The following CRYBG1 variants were observed in gnomAD, a reference collection of about 807,000 sequenced individuals.
CRYBG1 encodes the protein crystallin beta-gamma domain containing 1.
In CRYBG1, 139 loss-of-function variants were observed where a neutral mutation model predicts 189.2. The observed-to-expected ratio is 0.73, with a 90% CI of 0.64 to 0.85. The LOEUF (loss-of-function observed/expected upper bound fraction) is 0.85. CRYBG1 is among the 40% of genes least tolerant of loss of function. The probability of loss-of-function intolerance (pLI) is 0.00; values close to 1 mark genes in which losing one functional copy is unlikely to be tolerated. For missense variants in CRYBG1, 2,611 were observed against 2,675.8 expected, an observed-to-expected ratio of 0.98 and a Z score of 0.53; for synonymous variants, 1,023 against 1,017.1, an observed-to-expected ratio of 1.01 and a Z score of -0.11.
chr6:106,437,842 T>C (rs1332656886), intron 1 of CRYBG1, among the ~76,000 whole-genome samples: 2 of 152,260 alleles, frequency 1.3e-5, no homozygotes, highest in African/African-American at 4.8e-5. Context: ...TGTTTCTGCA[T>C]TTAATTCTTT....
chr6:106,363,731 C>T lies in CRYBG1; in HGVS notation c.173+2650C>T, dbSNP rs1172302274. On this transcript the variant is annotated intron_variant, in intron 1 of 21. Coordinates refer to ENST00000633556, the MANE Select transcript of CRYBG1 (RefSeq NM_001371242.2). ...AGAAAAAAATGAATTTATCTACTAG[C>T]TTTGTGACCTTGGGCAAGTTATTTC... 2.0e-5 allele frequency among the ~76,000 whole-genome samples: 3 copies of T among 152,158 alleles called. No homozygotes were observed. The East Asian group carries it at 5.8e-4, about 29-fold the overall frequency.
At chr6:106,496,132 T>C (rs1001493184) in intron 2 of CRYBG1, among the ~76,000 whole-genome samples, 12 of 152,200 alleles carry the variant, frequency 7.9e-5, no homozygotes, top group Admixed American at 1.3e-4. Flanking sequence ...CAAAAATTTA[T>C]TGGAGACACT....
At chr6:106,366,703 T>C (rs566869288) in intron 1 of CRYBG1, among the ~76,000 whole-genome samples, 3 of 152,220 alleles carry the variant, frequency 2.0e-5, no homozygotes, top group Admixed American at 2.0e-4. Flanking sequence ...ACTTCTCTTA[T>C]GGAGCTGTAG....
chr6:106,501,169 A>G (rs73761827), intron 2 of CRYBG1, among the ~76,000 whole-genome samples: 2,893 of 152,326 alleles, frequency 0.019, 100 homozygotes, highest in African/African-American at 0.066. Flanking sequence ...ATACAAATAT[A>G]TATGCAATAT....
In CRYBG1 at chr6:106,410,431, G is replaced by T. The variant is rs1047985763; in HGVS notation, c.174-41263G>T. Among the ~76,000 whole-genome samples the T allele has an allele frequency of 2.6e-5, 4 of 152,222 alleles. 1 individual carries two copies. Among genetic ancestry groups the T allele is most frequent in the Admixed American group, 2.6e-4 (4 of 15,284 alleles). The stretch of plus-strand genomic sequence containing the variant: ...ACACTTTTACACAGTTGGTGGGAGT[G>T]TAAATTAGTTCAACCATTGTGGAAG... On this transcript the variant is annotated intron_variant, in intron 1 of 21. Transcript: ENST00000633556.
intron 21 of CRYBG1, among the ~76,000 whole-genome samples, chr6:106,565,547 T>C (rs1774858428): frequency 6.6e-6 from 1 of 152,094 alleles, no homozygotes; most frequent in Non-Finnish European, 1.5e-5. Context: ...GTTGGAAAGA[T>C]GCTCAGAAGC....
At chr6:106,361,843 G>A (rs865813510) in intron 1 of CRYBG1, among the ~76,000 whole-genome samples, 9 of 152,028 alleles carry the variant, frequency 5.9e-5, no homozygotes, top group African/African-American at 9.7e-5. Flanking sequence ...TATTTATAGT[G>A]ATGGACAATT....
At chr6:106,543,383 T>A (rs1774180983) in intron 10 of CRYBG1, 57 bp from the exon 11 acceptor site, 3 of 1,495,452 alleles carry the variant, frequency 2.0e-6, no homozygotes, top group East Asian at 2.3e-5. Context: ...ACTGATTTAA[T>A]GTTAAGCTGT....
In CRYBG1 at chr6:106,459,689, T is replaced by G. The variant is rs560723294; in HGVS notation, c.312+7857T>G. Among the ~76,000 whole-genome samples the G allele has an allele frequency of 2.6e-5, 4 of 152,326 alleles. No individual in the cohort carries two copies. The East Asian group carries it at 7.7e-4, about 29-fold the overall frequency. Reference sequence around the variant, plus strand: ...ATCACATAGTTTACCACTCTTTATTTGTGAACATTTGAGTTGCTTCTACAT... The same window carrying G: ...ATCACATAGTTTACCACTCTTTATTGGTGAACATTTGAGTTGCTTCTACAT... On this transcript the variant is annotated intron_variant, in intron 2 of 21. Transcript: ENST00000633556.
chr6:106,455,948 C>T (rs773733193), intron 2 of CRYBG1, among the ~76,000 whole-genome samples: 2 of 152,118 alleles, frequency 1.3e-5, no homozygotes, highest in Admixed American at 1.3e-4. Context: ...TAGACTATTG[C>T]TAAATCACTG....
At chr6:106,568,410 G>C in intron 21 of CRYBG1, 62 bp from the exon 22 acceptor site, 1 of 1,294,122 alleles carries the variant, frequency 7.7e-7, no homozygotes, top group Non-Finnish European at 1.1e-6. Flanking sequence ...TAGGGGAATT[G>C]TGTCTGCTAT....
At chr6:106,465,435 C>A (rs370421019) in intron 2 of CRYBG1, among the ~76,000 whole-genome samples, 1 of 152,100 alleles carries the variant, frequency 6.6e-6, no homozygotes, top group Non-Finnish European at 1.5e-5. Flanking sequence ...TCTGTGGAGC[C>A]CTAGGCATTC....
chr6:106,455,830 A>G (rs1414569787), intron 2 of CRYBG1, among the ~76,000 whole-genome samples: 8 of 152,008 alleles, frequency 5.3e-5, no homozygotes, highest in Non-Finnish European at 8.8e-5. Flanking sequence ...GCTGTTTCCC[A>G]TTTTCTACTA....
At chr6:106,375,926 G>A (rs1159712115) in intron 1 of CRYBG1, among the ~76,000 whole-genome samples, 1 of 152,174 alleles carries the variant, frequency 6.6e-6, no homozygotes, top group African/African-American at 2.4e-5. Context: ...GGCACAGTAA[G>A]AGATTAACAA....
chr6:106,527,455 C>A lies in CRYBG1; in HGVS notation c.4563C>A (p.Ile1521=). The stretch of plus-strand genomic sequence containing the variant: ...ATAAGCCAGTGGTGATTGGTTCCAT[C>A]AGACATGTGGTTCAGGTAGGTTGTG... ...ESDKPVVIGS[I]RHVVQDYRVS... The change falls in exon 7 of 22, where the codon ATC becomes ATA. Residue 1521 remains isoleucine (I), a synonymous_variant. Coordinates refer to ENST00000633556, the MANE Select transcript of CRYBG1 (RefSeq NM_001371242.2). 6.2e-7 allele frequency: 1 copy of A among 1,611,188 alleles called. No individual in the cohort carries two copies. The highest frequency in any genetic ancestry group is 8.5e-7 in the Non-Finnish European group (1 of 1,178,356).
intron 13 of CRYBG1, among the ~76,000 whole-genome samples, chr6:106,549,481 G>A (rs1209078204): frequency 6.6e-6 from 1 of 152,162 alleles, no homozygotes; most frequent in African/African-American, 2.4e-5. Flanking sequence ...GCTCACGCCT[G>A]TAATCCTAGC....
chr6:106,512,451 A>T lies in CRYBG1; in HGVS notation c.1334A>T (p.Asp445Val). ...AELPESAARD[D>V]AVFDDEVAPN... The stretch of plus-strand genomic sequence containing the variant: ...CTCCCTGAGAGCGCTGCCAGGGACG[A>T]CGCGGTGTTCGACGACGAGGTGGCG... Residue 445 changes from aspartate to valine, a missense_variant, in exon 3 of 22, where the codon GAC (aspartate) becomes GTC (valine). Asp to Val is a radical substitution (Grantham distance 152). Coordinates refer to ENST00000633556, the MANE Select transcript of CRYBG1 (RefSeq NM_001371242.2). 1 of 1,610,862 alleles carries T rather than the reference A, an allele frequency of 6.2e-7. No individual in the cohort carries two copies. Among genetic ancestry groups the T allele is most frequent in the Non-Finnish European group, 8.5e-7 (1 of 1,179,072 alleles).
intron 1 of CRYBG1, among the ~76,000 whole-genome samples, chr6:106,402,148 G>A (rs1770732203): frequency 8.5e-6 from 1 of 117,954 alleles, no homozygotes; most frequent in East Asian, 2.5e-4. Context: ...AAATAAAAGA[G>A]GACACAAACA....
At chr6:106,555,746 T>C (rs1485878633) in intron 16 of CRYBG1, 22 bp from the exon 17 acceptor site, 3 of 1,613,860 alleles carry the variant, frequency 1.9e-6, no homozygotes, top group Non-Finnish European at 2.5e-6. Context: ...TCTGTGCATG[T>C]GTGTGGTTTT....
Sources: allele counts gnomAD v4.1 joint callset (sites outside exome capture counted in the v4.1 genomes callset), GRCh38; gene constraint gnomAD v4.1.1; transcripts MANE v1.5; gene names NCBI Gene and HGNC (gene_info 2026-07-23, HGNC 2026-07-21).